The following CNTRL variants were observed in gnomAD, a reference collection of about 807,000 sequenced individuals.
The protein encoded by CNTRL is centriolin, also known as 110 kDa centrosomal protein.
CNTRL carries 233 observed loss-of-function variants against 303.7 expected under a neutral mutation model. The observed-to-expected ratio is 0.77, with a 90% CI of 0.69 to 0.86. The LOEUF is 0.86. Ranked by LOEUF, CNTRL falls within the 40% of genes least tolerant of loss-of-function variation. The probability of loss-of-function intolerance (pLI) is 0.00; values close to 1 mark genes in which losing one functional copy is unlikely to be tolerated. For missense variants in CNTRL, 2,524 were observed against 2,650.6 expected, an observed-to-expected ratio of 0.95 and a Z score of 1.05; for synonymous variants, 900 against 922.2, an observed-to-expected ratio of 0.98 and a Z score of 0.44.
intron 37 of CNTRL, 56 bp from the exon 38 acceptor site, chr9:121,168,040 G>T: frequency 3.4e-6 from 5 of 1,454,654 alleles, no homozygotes; most frequent in Non-Finnish European, 4.7e-6. Flanking sequence ...GTCCATGCAG[G>T]TTCTCTGGGA....
chr9:121,175,278 CTTTT>C, intron 43 of CNTRL, 54 bp downstream of exon 43: 1 of 1,539,468 alleles, frequency 6.5e-7, no homozygotes, highest in African/African-American at 1.4e-5. Flanking sequence ...TGTTTTTTGT[CTTTT>C]TTGAGACAAG....
At chr9:121,127,808 C>T (rs975447605) in intron 14 of CNTRL, among the ~76,000 whole-genome samples, 1 of 120,006 alleles carries the variant, frequency 8.3e-6, no homozygotes, top group African/African-American at 3.1e-5. Context: ...CCCCACCCCA[C>T]GACAGGCCCC....
chr9:121,139,127 C>A (rs149708702), intron 16 of CNTRL, among the ~76,000 whole-genome samples: 1 of 152,062 alleles, frequency 6.6e-6, no homozygotes, highest in Admixed American at 6.6e-5. Flanking sequence ...ACCCTCTTCT[C>A]GGAAAGGATG....
intron 1 of CNTRL, among the ~76,000 whole-genome samples, chr9:121,079,348 A>C (rs77943106): frequency 0.019 from 2,898 of 152,256 alleles, 95 homozygotes; most frequent in African/African-American, 0.066. Context: ...GAAAAAGTAC[A>C]GATACATTTA....
rs1475793524 is a variant in CNTRL at position 121,165,033 on chromosome 9, A to G, written c.5514A>G (p.Leu1838=). 1.2e-6 allele frequency: 2 copies of G among 1,610,016 alleles called. No individual in the cohort carries two copies. The highest frequency in any genetic ancestry group is 2.7e-5 in the African/African-American group (2 of 74,648). The change falls in exon 35 of 44, where the codon CTA becomes CTG. Residue 1838 remains leucine (L), a synonymous_variant. Coordinates refer to ENST00000373855, the MANE Select transcript of CNTRL (RefSeq NM_007018.6). Reference sequence around the variant, plus strand: ...ATGTCAGAAAACTGCAGCAGGAACTAGACCAACTAAACAGAGACAAGTTGT... The same window carrying G: ...ATGTCAGAAAACTGCAGCAGGAACTGGACCAACTAAACAGAGACAAGTTGT... ...ELNVRKLQQE[L]DQLNRDKLSL...
intron 37 of CNTRL, 103 bp from the exon 38 acceptor site, chr9:121,167,993 T>A: frequency 1.0e-6 from 1 of 968,960 alleles, no homozygotes; most frequent in Non-Finnish European, 1.5e-6. Flanking sequence ...CCCTGTGGGC[T>A]GTCTTCTACT....
At position 121,088,320 on chromosome 9, in the gene CNTRL, T is replaced by G; in HGVS notation, c.-7T>G. On this transcript the variant is annotated 5_prime_UTR_variant, in exon 3 of 44. It adds an upstream start codon to the 5' untranslated region. Coordinates refer to ENST00000373855, the MANE Select transcript of CNTRL (RefSeq NM_007018.6). ...GGTTTTGATGAACACCTGGCTTTAT[T>G]CTTGCAATGAAGAAAGGTTCTCAAC... is the stretch of plus-strand genomic sequence containing the variant. 1 of 1,583,478 alleles carries G rather than the reference T, an allele frequency of 6.3e-7. No individual in the cohort carries two copies. The highest frequency in any genetic ancestry group is 8.7e-7 in the Non-Finnish European group (1 of 1,152,940).
At chr9:121,154,973 C>A in intron 27 of CNTRL, 60 bp downstream of exon 27, 1 of 1,398,220 alleles carries the variant, frequency 7.2e-7, no homozygotes, top group Non-Finnish European at 1.0e-6. Flanking sequence ...TTACTGTCCA[C>A]CTGAAGGATT....
chr9:121,117,023 A>G (rs2050007654), intron 11 of CNTRL, among the ~76,000 whole-genome samples: 1 of 152,242 alleles, frequency 6.6e-6, no homozygotes, highest in East Asian at 1.9e-4. Context: ...AAAGAAATAG[A>G]TACTTCCAAA....
chr9:121,094,826 ATGT>A (rs1367839462), intron 4 of CNTRL, 59 bp from the exon 5 acceptor site: 189 of 1,233,482 alleles, frequency 1.5e-4, no homozygotes, highest in Non-Finnish European at 2.0e-4. Context: ...ACATAAGTAA[ATGT>A]TGTACTTTAT....
intron 14 of CNTRL, among the ~76,000 whole-genome samples, chr9:121,132,767 G>A (rs2050942468): frequency 6.6e-6 from 1 of 152,156 alleles, no homozygotes; most frequent in Admixed American, 6.5e-5. Flanking sequence ...CATCTTTGTG[G>A]TTTTATCTAC....
At chr9:121,157,660 A>G (rs2052641065) in intron 28 of CNTRL, 60 bp downstream of exon 28, 5 of 1,605,616 alleles carry the variant, frequency 3.1e-6, no homozygotes, top group Middle Eastern at 1.7e-4. Flanking sequence ...GTTTGCTTCT[A>G]AGGGGATAAT....
In CNTRL at chr9:121,141,070, G is replaced by A. The variant is rs1026402045; in HGVS notation, c.2483+284G>A. ...AAAGTTAATTATATATGGTCAGGAA[G>A]TAGAGCCACATTATACATTTTAAAT... On this transcript the variant is annotated intron_variant, in intron 17 of 43. Transcript: ENST00000373855. Among the ~76,000 whole-genome samples the A allele has an allele frequency of 5.3e-5, 8 of 152,136 alleles. 1 individual carries two copies. The highest frequency in any genetic ancestry group is 1.9e-4 in the African/African-American group (8 of 41,428).
chr9:121,093,720 G>A (rs753826035), intron 4 of CNTRL, among the ~76,000 whole-genome samples: 3 of 152,112 alleles, frequency 2.0e-5, no homozygotes, highest in Admixed American at 1.3e-4. Context: ...TCTAGTTCAC[G>A]CCATATTCCC....
chr9:121,115,054 G>A, intron 10 of CNTRL, 37 bp from the exon 11 acceptor site: 1 of 1,273,268 alleles, frequency 7.9e-7, no homozygotes, highest in Non-Finnish European at 1.1e-6. Flanking sequence ...GATTTTTCTT[G>A]TTTCATATTA....
rs767569641 is a variant in CNTRL at position 121,124,084 on chromosome 9, G to C, written c.1804G>C (p.Gly602Arg). Residue 602 changes from glycine to arginine, a missense_variant and splice_region_variant, in exon 13 of 44, where the codon GGC becomes CGC. Coordinates refer to ENST00000373855, the MANE Select transcript of CNTRL (RefSeq NM_007018.6). ...IKDLEEQLTE[G>R]QIAANEALKK... is the part of the protein sequence containing the mutation. ...GGACCTTGAAGAACAGCTTACTGAAGGTAAGACTTTCAGTATGATTTAAGG... is the reference window on the plus strand; with the variant it reads ...GGACCTTGAAGAACAGCTTACTGAACGTAAGACTTTCAGTATGATTTAAGG... The C allele has an allele frequency of 6.3e-7, 1 of 1,598,046 alleles. No individual in the cohort carries two copies. The highest frequency in any genetic ancestry group is 8.5e-7 in the Non-Finnish European group (1 of 1,174,330).
chr9:121,138,049 G>T (rs1395831944), intron 15 of CNTRL, among the ~76,000 whole-genome samples: 1 of 152,166 alleles, frequency 6.6e-6, no homozygotes, highest in African/African-American at 2.4e-5. Flanking sequence ...AACTTTAGTT[G>T]CATGAACTCA....
At chr9:121,160,063 CAAT>C (rs970216074) in intron 31 of CNTRL, 77 bp from the exon 32 acceptor site, 91 of 1,092,416 alleles carry the variant, frequency 8.3e-5, no homozygotes, top group Non-Finnish European at 1.0e-4. Context: ...TGATATAAAA[CAAT>C]AAATAACAGA....
intron 26 of CNTRL, among the ~76,000 whole-genome samples, chr9:121,154,133 A>AAAT (rs2052437169): frequency 6.6e-6 from 1 of 152,228 alleles, no homozygotes; most frequent in Non-Finnish European, 1.5e-5. Flanking sequence ...TTTAAAGATA[A>AAAT]TCTGTTAAAT....
Sources: gnomAD v4.1 joint callset for allele counts (sites outside exome capture counted in the v4.1 genomes callset) on GRCh38, gnomAD v4.1.1 for gene constraint, MANE v1.5 for transcripts, NCBI Gene and HGNC (gene_info 2026-07-23, HGNC 2026-07-21) for gene names.